GALNT10: variants seen among roughly 807,000 people sequenced by gnomAD.
GALNT10 encodes polypeptide N-acetylgalactosaminyltransferase 10, also known as GalNAc transferase 10.
Under a neutral mutation model 75.0 loss-of-function variants are expected in GALNT10, and 41 were observed. The ratio of observed to expected loss-of-function variants is 0.55; its 90% CI spans 0.43 to 0.71. The LOEUF is 0.71. Ranked by LOEUF, GALNT10 falls within the 30% of genes least tolerant of loss-of-function variation. The pLI, the probability that GALNT10 is intolerant of heterozygous loss-of-function variation, is 0.00. For missense variants in GALNT10, 727 were observed against 818.5 expected, an observed-to-expected ratio of 0.89 and a Z score of 1.36; for synonymous variants, 302 against 313.0, an observed-to-expected ratio of 0.96 and a Z score of 0.37.
chr5:154,318,435 T>C (rs1018168278), intron 3 of GALNT10, among the ~76,000 whole-genome samples: 2 of 98,500 alleles, frequency 2.0e-5, no homozygotes, highest in Admixed American at 1.4e-4. Flanking sequence ...ATTATCCCTA[T>C]AAAATACTAA....
intron 1 of GALNT10, among the ~76,000 whole-genome samples, chr5:154,272,366 T>G (rs899659812): frequency 1.3e-5 from 2 of 152,118 alleles, no homozygotes; most frequent in Non-Finnish European, 2.9e-5. Flanking sequence ...TGACAAGTAA[T>G]GTGGGATTAA....
At chr5:154,372,440 C>T (rs1755587221) in intron 4 of GALNT10, among the ~76,000 whole-genome samples, 1 of 152,252 alleles carries the variant, frequency 6.6e-6, no homozygotes, top group East Asian at 1.9e-4. Context: ...CTAAGTCATG[C>T]CTGCTACTTG....
chr5:154,368,348 T>A (rs1435401547), intron 4 of GALNT10, among the ~76,000 whole-genome samples: 1 of 152,202 alleles, frequency 6.6e-6, no homozygotes, highest in African/African-American at 2.4e-5. Context: ...TTCAGTCGGC[T>A]CTCTGCTTTC....
At chr5:154,330,820 A>G (rs988473555) in intron 4 of GALNT10, among the ~76,000 whole-genome samples, 4 of 152,130 alleles carry the variant, frequency 2.6e-5, no homozygotes, top group African/African-American at 9.7e-5. Flanking sequence ...TGACAGTTTC[A>G]GGAGCGGCTC....
chr5:154,256,522 G>A (rs977097799), intron 1 of GALNT10, among the ~76,000 whole-genome samples: 2 of 151,778 alleles, frequency 1.3e-5, no homozygotes, highest in Non-Finnish European at 1.5e-5. Context: ...AATTTTTTAG[G>A]TGTGTCACAG....
intron 4 of GALNT10, among the ~76,000 whole-genome samples, chr5:154,335,676 CA>C (rs1474595110): frequency 2.6e-5 from 4 of 151,968 alleles, no homozygotes; most frequent in Admixed American, 2.0e-4. Flanking sequence ...TTTAGGTTCC[CA>C]ACAAAACTAA....
chr5:154,196,202 C>T (rs573329396), intron 1 of GALNT10, among the ~76,000 whole-genome samples: 90 of 152,248 alleles, frequency 5.9e-4, no homozygotes, highest in Non-Finnish European at 1.1e-3. Context: ...GGATTACAGG[C>T]GTGAGCCACC....
chr5:154,245,462 A>G (rs192974858), intron 1 of GALNT10, among the ~76,000 whole-genome samples: 191 of 152,174 alleles, frequency 1.3e-3, no homozygotes, highest in African/African-American at 4.5e-3. Flanking sequence ...CAGCTGAGAA[A>G]ACTAGCTCAG....
chr5:154,295,209 A>G (rs910739666), intron 2 of GALNT10, among the ~76,000 whole-genome samples: 14 of 152,164 alleles, frequency 9.2e-5, no homozygotes, highest in African/African-American at 3.4e-4. Context: ...CTCATAAAGG[A>G]TATTTTGTAT....
chr5:154,229,468 C>G (rs912085981), intron 1 of GALNT10, among the ~76,000 whole-genome samples: 23 of 152,208 alleles, frequency 1.5e-4, no homozygotes, highest in African/African-American at 5.1e-4. Context: ...GTGGCTCATG[C>G]CTGTAATCCC....
chr5:154,382,697 A>G (rs956044061), intron 6 of GALNT10, among the ~76,000 whole-genome samples: 3 of 152,210 alleles, frequency 2.0e-5, no homozygotes, highest in African/African-American at 7.2e-5. Flanking sequence ...TGCTCCAGAA[A>G]ATGGAATTTT....
At chr5:154,415,173 T>C (rs775938737) in intron 10 of GALNT10, among the ~76,000 whole-genome samples, 9 of 152,280 alleles carry the variant, frequency 5.9e-5, no homozygotes, top group Non-Finnish European at 1.2e-4. Flanking sequence ...CTGTGGATAT[T>C]TGATGACATT....
intron 4 of GALNT10, among the ~76,000 whole-genome samples, chr5:154,371,204 C>G (rs1330164282): frequency 1.3e-5 from 2 of 152,124 alleles, no homozygotes; most frequent in Admixed American, 6.5e-5. Flanking sequence ...ACACAGTATC[C>G]TCTCTGTGTG....
At chr5:154,393,727 G>C (rs954103293) in intron 7 of GALNT10, among the ~76,000 whole-genome samples, 2 of 152,092 alleles carry the variant, frequency 1.3e-5, no homozygotes, top group Non-Finnish European at 2.9e-5. Flanking sequence ...TGTAGTCCCA[G>C]CTACTTGGAA....
intron 1 of GALNT10, among the ~76,000 whole-genome samples, chr5:154,216,381 A>T (rs1752871923): frequency 6.6e-6 from 1 of 152,142 alleles, no homozygotes; most frequent in Non-Finnish European, 1.5e-5. Context: ...GTGTTTTTTA[A>T]AAAAATGTAT....
At chr5:154,241,528 A>G (rs1287531027) in intron 1 of GALNT10, among the ~76,000 whole-genome samples, 3 of 151,860 alleles carry the variant, frequency 2.0e-5, no homozygotes, top group South Asian at 2.1e-4. Context: ...TTGTGTTAAC[A>G]AGGTTTTTTT....
rs1453109956 is a variant in GALNT10 at position 154,417,402 on chromosome 5, GGGCAGCTTTTA to G, written c.*432_*442del. The stretch of plus-strand genomic sequence containing the variant: ...AACAAAGGTAAAATTTGCCTGTTTG[GGGCAGCTTTTA>G]GTATCGATGCCACTCATCTGCAGCA... On this transcript the variant is annotated 3_prime_UTR_variant, in exon 12 of 12. Transcript: ENST00000297107. The G allele has an allele frequency of 6.3e-6, 1 of 158,932 alleles. No homozygotes were observed. The highest frequency in any genetic ancestry group is 2.4e-5 in the African/African-American group (1 of 41,576). 9.8% of individuals were successfully genotyped at this position (158,932 alleles called of 1,614,324 possible). A position where few individuals can be genotyped will look rare whatever the true frequency, so the allele number is the denominator to read the frequency against.
chr5:154,289,385 A>G (rs573833995), intron 1 of GALNT10, among the ~76,000 whole-genome samples: 1 of 152,272 alleles, frequency 6.6e-6, no homozygotes, highest in South Asian at 2.1e-4. Context: ...AAACTAGACT[A>G]CCTTTCCCAT....
At chr5:154,262,960 A>G (rs189959248) in intron 1 of GALNT10, among the ~76,000 whole-genome samples, 22 of 152,150 alleles carry the variant, frequency 1.4e-4, no homozygotes, top group African/African-American at 5.3e-4. Flanking sequence ...GGTTTGAGAA[A>G]AAAAAAGCTA....
Sources: allele counts gnomAD v4.1 joint callset (sites outside exome capture counted in the v4.1 genomes callset), GRCh38; gene constraint gnomAD v4.1.1; transcripts MANE v1.5; gene names NCBI Gene and HGNC (gene_info 2026-07-23, HGNC 2026-07-21).